TBL1XR1: variants seen among roughly 807,000 people sequenced by gnomAD.
TBL1XR1 encodes the protein F-box-like/WD repeat-containing protein TBL1XR1.
A neutral mutation model predicts 66.9 loss-of-function variants in TBL1XR1; 5 were observed. That is an observed-to-expected ratio of 0.07 (90% CI 0.04 to 0.16). The LOEUF (loss-of-function observed/expected upper bound fraction) is 0.16. Among genes scored for constraint, TBL1XR1 ranks in the 10% least tolerant of loss-of-function variants. The pLI is 1.00. For synonymous variants in TBL1XR1, 210 were observed against 206.0 expected (o/e 1.02, Z -0.17); for missense variants, 238 against 623.2 (o/e 0.38, Z 6.58).
chr3:177,165,542 T>C (rs1732721880), intron 1 of TBL1XR1, among the ~76,000 whole-genome samples: 1 of 152,164 alleles, frequency 6.6e-6, no homozygotes, highest in Non-Finnish European at 1.5e-5. Flanking sequence ...GTGAAAGGAT[T>C]TGCCCTACTT....
intron 2 of TBL1XR1, among the ~76,000 whole-genome samples, chr3:177,072,623 A>C (rs1720173841): frequency 6.6e-6 from 1 of 152,212 alleles, no homozygotes; most frequent in Admixed American, 6.5e-5. Context: ...TGCATACTAA[A>C]ATGATGGTTG....
upstream of TBL1XR1, among the ~76,000 whole-genome samples, chr3:177,198,082 T>C (rs888544086): frequency 8.6e-5 from 13 of 152,022 alleles, no homozygotes; most frequent in Non-Finnish European, 2.9e-5. Context: ...ATATGGACAT[T>C]TGTTTGTGAA....
intron 7 of TBL1XR1, among the ~76,000 whole-genome samples, chr3:177,048,074 A>G (rs901145967): frequency 6.6e-6 from 1 of 152,172 alleles, no homozygotes; most frequent in African/African-American, 2.4e-5. Context: ...GTTCCTTTCT[A>G]TTATTAATCC....
At chr3:177,136,423 G>A (rs1231578493) in intron 1 of TBL1XR1, among the ~76,000 whole-genome samples, 1 of 152,082 alleles carries the variant, frequency 6.6e-6, no homozygotes. Context: ...TGGCAAGCAG[G>A]CGCCAGCCAC....
chr3:177,126,626 T>A (rs1727663881), intron 1 of TBL1XR1, among the ~76,000 whole-genome samples: 1 of 152,188 alleles, frequency 6.6e-6, no homozygotes. Context: ...TGCCAACTTG[T>A]ATTACTTGTT....
chr3:177,059,557 C>T (rs1718245222), intron 3 of TBL1XR1, among the ~76,000 whole-genome samples: 2 of 151,842 alleles, frequency 1.3e-5, no homozygotes, highest in South Asian at 2.1e-4. Flanking sequence ...TGGTACAAGG[C>T]CTGTATTTCT....
upstream of TBL1XR1, among the ~76,000 whole-genome samples, chr3:177,198,373 A>G (rs918852404): frequency 2.6e-5 from 4 of 152,240 alleles, no homozygotes; most frequent in East Asian, 5.8e-4. Context: ...ACAAAAATAA[A>G]ATAATGTAAC....
At chr3:177,053,163 C>A (rs1202232536) in intron 4 of TBL1XR1, among the ~76,000 whole-genome samples, 1 of 152,152 alleles carries the variant, frequency 6.6e-6, no homozygotes, top group East Asian at 1.9e-4. Context: ...GGGTTTACAA[C>A]CTTTTTCTGT....
At chr3:177,131,616 T>C (rs1042506089) in intron 1 of TBL1XR1, among the ~76,000 whole-genome samples, 21 of 151,674 alleles carry the variant, frequency 1.4e-4, no homozygotes, top group African/African-American at 3.1e-4. Context: ...GTTCAAGTGA[T>C]TCTCCCGCCT....
At chr3:177,029,290 G>C (rs1176047705) in intron 14 of TBL1XR1, among the ~76,000 whole-genome samples, 1 of 152,020 alleles carries the variant, frequency 6.6e-6, no homozygotes, top group Non-Finnish European at 1.5e-5. Flanking sequence ...ATTTTAAAAA[G>C]AAAGATAAAT....
chr3:177,080,646 C>T (rs1397556453), intron 2 of TBL1XR1, among the ~76,000 whole-genome samples: 2 of 151,938 alleles, frequency 1.3e-5, no homozygotes, highest in Non-Finnish European at 2.9e-5. Flanking sequence ...TTTTCAGTGA[C>T]ACACAGAAAC....
intron 1 of TBL1XR1, among the ~76,000 whole-genome samples, chr3:177,152,925 G>A: frequency 6.6e-6 from 1 of 152,026 alleles, no homozygotes; most frequent in Non-Finnish European, 1.5e-5. Flanking sequence ...TGGATCACTT[G>A]AGGTCAGGAG....
intron 1 of TBL1XR1, among the ~76,000 whole-genome samples, chr3:177,122,047 T>C (rs1727035699): frequency 6.6e-6 from 1 of 152,110 alleles, no homozygotes; most frequent in Non-Finnish European, 1.5e-5. Context: ...GGTGAAACCA[T>C]GAAGTGTTGA....
rs1204760243 is a variant in TBL1XR1, at chr3:177,190,156, A to T, written c.-122+6965T>A. Among the ~76,000 whole-genome samples, 3 of 132,020 alleles carry T rather than the reference A, an allele frequency of 2.3e-5. No homozygotes were observed. In the Admixed American group the frequency reaches 2.3e-4, roughly 10 times the overall value. 86.6% of individuals were successfully genotyped at this position (132,020 alleles called of 152,430 possible). A position where few individuals can be genotyped will look rare whatever the true frequency, so the allele number is the denominator to read the frequency against. On this transcript the variant is annotated intron_variant, in intron 1 of 15. Coordinates refer to ENST00000457928, the MANE Select transcript of TBL1XR1 (RefSeq NM_024665.7). ...CTCAAAAAAAAAAAAAAAAAAAAAA[A>T]AAAAAAGAGTCCAAAATCTTAAGCA...
chr3:177,038,247 T>A, intron 11 of TBL1XR1, 66 bp downstream of exon 11: 3 of 1,597,032 alleles, frequency 1.9e-6, no homozygotes, highest in South Asian at 2.2e-5. Context: ...CATACATACT[T>A]TAAAACTATT....
In TBL1XR1 at chr3:177,034,158, T is replaced by C. The variant is rs75522843; in HGVS notation, c.1250+40A>G. On this transcript the variant is annotated intron_variant, in intron 13 of 15. Coordinates refer to ENST00000457928, the MANE Select transcript of TBL1XR1 (RefSeq NM_024665.7). ...TCATATCTATTGGAAGTCTGATTTG[T>C]AGAAGACTCATAAAAGGAAAAATGA... is the stretch of plus-strand genomic sequence containing the variant. The C allele has an allele frequency of 5.5e-3, 8,649 of 1,576,492 alleles. 505 individuals carry two copies. In the East Asian group the frequency reaches 0.11, roughly 21 times the overall value.
At chr3:177,059,413 T>C (rs1718222631) in intron 3 of TBL1XR1, among the ~76,000 whole-genome samples, 1 of 152,236 alleles carries the variant, frequency 6.6e-6, no homozygotes, top group Non-Finnish European at 1.5e-5. Flanking sequence ...AGAGCTTTAA[T>C]GTTATACATA....
intron 1 of TBL1XR1, among the ~76,000 whole-genome samples, chr3:177,193,273 A>C (rs145194236): frequency 6.6e-6 from 1 of 152,210 alleles, no homozygotes; most frequent in Non-Finnish European, 1.5e-5. Flanking sequence ...CCACTATGCT[A>C]CAACACAAAG....
chr3:177,084,733 T>C (rs1662095169), intron 2 of TBL1XR1, among the ~76,000 whole-genome samples: 3 of 152,180 alleles, frequency 2.0e-5, no homozygotes, highest in Non-Finnish European at 2.9e-5. Flanking sequence ...ATTCTCTAAT[T>C]CCTCTGCCAA....
Sources: gnomAD v4.1 joint callset for allele counts (sites outside exome capture counted in the v4.1 genomes callset) on GRCh38, gnomAD v4.1.1 for gene constraint, MANE v1.5 for transcripts, NCBI Gene and HGNC (gene_info 2026-07-23, HGNC 2026-07-21) for gene names.